The following STK32C variants were observed in gnomAD, a reference collection of about 807,000 sequenced individuals.
STK32C encodes the protein serine/threonine-protein kinase 32C.
In STK32C, 31 loss-of-function variants were observed where a neutral mutation model predicts 56.5. That is an observed-to-expected ratio of 0.55 (90% confidence interval 0.41 to 0.74). The LOEUF (loss-of-function observed/expected upper bound fraction) is 0.74, where lower values mean the gene tolerates loss of function less well. Ranked by LOEUF, STK32C falls within the 30% of genes least tolerant of loss-of-function variation. STK32C has a pLI of 0.00. For missense variants in STK32C, 544 were observed against 676.9 expected (o/e 0.80, Z 2.18); for synonymous variants, 309 against 289.4 (o/e 1.07, Z -0.69).
intron 1 of STK32C, among the ~76,000 whole-genome samples, chr10:132,300,220 A>G (rs1421286835): frequency 1.3e-5 from 2 of 152,242 alleles, no homozygotes; most frequent in Non-Finnish European, 2.9e-5. Flanking sequence ...ACTGTGAGAA[A>G]TGGAATGTGC....
intron 1 of STK32C, among the ~76,000 whole-genome samples, chr10:132,292,756 A>G (rs1445690152): frequency 6.6e-6 from 1 of 152,092 alleles, no homozygotes; most frequent in Non-Finnish European, 1.5e-5. Flanking sequence ...CTGGGAAGCC[A>G]CTCTCAGAGG....
At chr10:132,225,701 T>C (rs760708692) in intron 5 of STK32C, 46 bp downstream of exon 5, 28 of 1,612,854 alleles carry the variant, frequency 1.7e-5, no homozygotes, top group Non-Finnish European at 2.2e-5. Context: ...GACAGGCCCA[T>C]CCCTGCCACC....
chr10:132,212,958 G>C (rs1425107469), intron 10 of STK32C, among the ~76,000 whole-genome samples: 2 of 152,200 alleles, frequency 1.3e-5, no homozygotes, highest in African/African-American at 4.8e-5. Context: ...ACACCTCCTG[G>C]GCAGCTCTGG....
At chr10:132,265,376 G>C (rs1365513755) in intron 1 of STK32C, among the ~76,000 whole-genome samples, 1 of 152,218 alleles carries the variant, frequency 6.6e-6, no homozygotes, top group African/African-American at 2.4e-5. Flanking sequence ...GCCCATCACA[G>C]CGAGGGTGTC....
chr10:132,303,010 C>G (rs533417893), intron 1 of STK32C, among the ~76,000 whole-genome samples: 1 of 152,180 alleles, frequency 6.6e-6, no homozygotes, highest in South Asian at 2.1e-4. Context: ...CAAGAGGCAG[C>G]GAAGTCTCAG....
At chr10:132,303,829 G>A (rs2138385668) in intron 1 of STK32C, among the ~76,000 whole-genome samples, 1 of 152,326 alleles carries the variant, frequency 6.6e-6, no homozygotes, top group South Asian at 2.1e-4. Flanking sequence ...CGCTCCTGGA[G>A]CAAGTGAAAA....
intron 1 of STK32C, among the ~76,000 whole-genome samples, chr10:132,296,155 G>T (rs999700624): frequency 6.6e-6 from 1 of 150,680 alleles, no homozygotes; most frequent in East Asian, 1.9e-4. Flanking sequence ...CCATAATCCT[G>T]AGAGAAACAT....
chr10:132,330,146 C>G (rs1026933556), intron 1 of STK32C: 5 of 364,344 alleles, frequency 1.4e-5, no homozygotes, highest in Non-Finnish European at 2.6e-5. Context: ...TGGATACAAT[C>G]TGGCTGGGCA....
Position 132,207,954 on chromosome 10 carries a change from T to C in STK32C, c.*56A>G. 1 of 1,270,896 alleles carries C rather than the reference T, an allele frequency of 7.9e-7. No individual in the cohort carries two copies. The highest frequency in any genetic ancestry group is 1.0e-6 in the Non-Finnish European group (1 of 1,002,616). 78.7% of individuals were successfully genotyped at this position (1,270,896 alleles called of 1,614,324 possible). A position where few individuals can be genotyped will look rare whatever the true frequency, so the allele number is the denominator to read the frequency against. On this transcript the variant is annotated 3_prime_UTR_variant, in exon 12 of 12. Transcript: ENST00000298630. Reference sequence around the variant, plus strand: ...CCAGGCCTCGGCCCATGGCCCTCCCTCTGGCAGCCGAGTCTCCAAAGCAGC... The same window carrying C: ...CCAGGCCTCGGCCCATGGCCCTCCCCCTGGCAGCCGAGTCTCCAAAGCAGC...
intron 11 of STK32C, 98 bp downstream of exon 11, chr10:132,208,936 G>A: frequency 8.6e-7 from 1 of 1,168,142 alleles, no homozygotes. Flanking sequence ...ACGCACCCCA[G>A]GCCCACAGGT....
downstream of STK32C, among the ~76,000 whole-genome samples, chr10:132,320,788 C>G (rs1367289767): frequency 6.6e-6 from 1 of 152,158 alleles, no homozygotes; most frequent in Non-Finnish European, 1.5e-5. Context: ...CCCGGCTCCT[C>G]AGAATGTGAC....
downstream of STK32C, among the ~76,000 whole-genome samples, chr10:132,322,353 C>T (rs116726373): frequency 2.4e-3 from 369 of 152,304 alleles, 1 homozygote; most frequent in African/African-American, 8.4e-3. Flanking sequence ...TAAGAGTCGC[C>T]AGTATCTTCT....
At chr10:132,214,850 A>G (rs755487318) in intron 10 of STK32C, among the ~76,000 whole-genome samples, 1 of 152,254 alleles carries the variant, frequency 6.6e-6, no homozygotes, top group Non-Finnish European at 1.5e-5. Flanking sequence ...GCCAACCACT[A>G]AAAATATTTC....
At chr10:132,226,265 A>T (rs1337612213) in intron 4 of STK32C, among the ~76,000 whole-genome samples, 1 of 152,234 alleles carries the variant, frequency 6.6e-6, no homozygotes, top group African/African-American at 2.4e-5. Flanking sequence ...TACCTCACAG[A>T]TATTTTCATT....
At chr10:132,303,906 C>T (rs2065981854) in intron 1 of STK32C, among the ~76,000 whole-genome samples, 1 of 152,218 alleles carries the variant, frequency 6.6e-6, no homozygotes, top group Non-Finnish European at 1.5e-5. Flanking sequence ...GCAGGTGCCT[C>T]CCGCCACCCA....
At chr10:132,237,379 G>A (rs2063331166) in intron 2 of STK32C, among the ~76,000 whole-genome samples, 1 of 152,254 alleles carries the variant, frequency 6.6e-6, no homozygotes, top group African/African-American at 2.4e-5. Context: ...AAGAAAATGA[G>A]AAAATGGATA....
chr10:132,252,609 C>T (rs1027045794), intron 1 of STK32C, among the ~76,000 whole-genome samples: 1 of 152,228 alleles, frequency 6.6e-6, no homozygotes, highest in African/African-American at 2.4e-5. Context: ...GAAGGAAGCA[C>T]CTCTGTACTT....
Position 132,226,827 on chromosome 10 carries a change from C to T in STK32C, c.612G>A (p.Leu204=). 1 of 1,613,224 alleles carries T rather than the reference C, an allele frequency of 6.2e-7. No homozygotes were observed. The highest frequency in any genetic ancestry group is 8.5e-7 in the Non-Finnish European group (1 of 1,180,024). ...RLYICEMALA[L]DYLRGQHIIH... ...TGATGTGCTGGCCGCGCAGGTAGTCCAGAGCCAGTGCCATCTCGCAGATGT... is the reference window on the plus strand; with the variant it reads ...TGATGTGCTGGCCGCGCAGGTAGTCTAGAGCCAGTGCCATCTCGCAGATGT... Residue 204 remains leucine, a synonymous_variant, in exon 4 of 12, where the codon CTG becomes CTA. Transcript: ENST00000298630.
chr10:132,318,358 G>A (rs1172933064), intron 1 of STK32C, among the ~76,000 whole-genome samples: 2 of 152,082 alleles, frequency 1.3e-5, no homozygotes, highest in Non-Finnish European at 2.9e-5. Flanking sequence ...GCTCACGCTT[G>A]TAATCCCAGC....
Sources: allele counts gnomAD v4.1 joint callset (sites outside exome capture counted in the v4.1 genomes callset), GRCh38; gene constraint gnomAD v4.1.1; transcripts MANE v1.5; gene names NCBI Gene and HGNC (gene_info 2026-07-23, HGNC 2026-07-21).